MROH2B: variants seen among roughly 807,000 people sequenced by gnomAD.
MROH2B encodes the protein maestro heat-like repeat-containing protein family member 2B.
MROH2B carries 177 observed loss-of-function variants against 208.6 expected under a neutral mutation model. The observed-to-expected ratio is 0.85, with a 90% CI of 0.75 to 0.96. MROH2B has a LOEUF of 0.96. Ranked by LOEUF, MROH2B falls within the 40% of genes least tolerant of loss-of-function variation. The pLI, the probability that MROH2B is intolerant of heterozygous loss-of-function variation, is 0.00. For synonymous variants in MROH2B, 728 were observed against 659.0 expected (o/e 1.10, Z -1.60); for missense variants, 2,002 against 1,878.7 (o/e 1.07, Z -1.21).
chr5:41,010,398 C>A (rs749376613), intron 30 of MROH2B, among the ~76,000 whole-genome samples: 11 of 152,176 alleles, frequency 7.2e-5, no homozygotes, highest in Non-Finnish European at 1.5e-4. Context: ...GAATATCAAT[C>A]ATAGACCTAA....
chr5:41,010,121 T>C, intron 30 of MROH2B, 42 bp from the exon 31 acceptor site: 1 of 1,599,998 alleles, frequency 6.3e-7, no homozygotes, highest in Non-Finnish European at 8.5e-7. Flanking sequence ...GTTGCCATTT[T>C]CCCTCTATGT....
chr5:41,015,422 C>T lies in MROH2B; in HGVS notation c.2941G>A (p.Asp981Asn), dbSNP rs748181816. 1.9e-6 allele frequency: 3 copies of T among 1,613,662 alleles called. No homozygotes were observed. The highest frequency in any genetic ancestry group is 1.7e-5 in the Admixed American group (1 of 59,956). Residue 981 changes from aspartate (D) to asparagine (N), a missense_variant, in exon 29 of 42, where the codon GAC (aspartate) becomes AAC (asparagine). Asp to Asn is a conservative substitution (Grantham distance 23, BLOSUM62 1). Transcript: ENST00000399564. ...QGLQEGLESDDVQVQIKISSK... is the reference protein window; with the variant it reads ...QGLQEGLESDNVQVQIKISSK... ...GAAATCTTGATCTGAACCTGCACGTCATCACTTTCCAGCCCTTCCTGCAAA... is the reference window on the plus strand; with the variant it reads ...GAAATCTTGATCTGAACCTGCACGTTATCACTTTCCAGCCCTTCCTGCAAA...
chr5:41,059,522 C>A (rs1265594184), intron 6 of MROH2B, among the ~76,000 whole-genome samples: 2 of 152,120 alleles, frequency 1.3e-5, no homozygotes, highest in Non-Finnish European at 2.9e-5. Flanking sequence ...TACAACAAAT[C>A]ATCTCAAAAC....
chr5:41,012,851 G>A (rs1741817575), intron 29 of MROH2B, 116 bp from the exon 30 acceptor site: 3 of 1,298,396 alleles, frequency 2.3e-6, no homozygotes, highest in Non-Finnish European at 3.2e-6. Flanking sequence ...CTTTTCAACA[G>A]TTTTGATTGA....
chr5:41,022,297 T>C (rs1449343189), intron 24 of MROH2B, among the ~76,000 whole-genome samples: 1 of 152,188 alleles, frequency 6.6e-6, no homozygotes, highest in African/African-American at 2.4e-5. Flanking sequence ...TTCCCTTTCC[T>C]AGCAAAGGGA....
chr5:41,028,466 C>A (rs1742455721), intron 24 of MROH2B, among the ~76,000 whole-genome samples: 1 of 152,106 alleles, frequency 6.6e-6, no homozygotes, highest in African/African-American at 2.4e-5. Context: ...CATTTCCTAC[C>A]CACCACTGAG....
At position 41,014,610 on chromosome 5, in the gene MROH2B, A is replaced by C. The variant is rs149804853; in HGVS notation, c.2982+771T>G. Reference sequence around the variant, plus strand: ...ATAAAACAAACAAACAAACAAAAAAACCAAGTTCCTTAAAAAGGCCCAGAA... The same window carrying C: ...ATAAAACAAACAAACAAACAAAAAACCCAAGTTCCTTAAAAAGGCCCAGAA... On this transcript the variant is annotated intron_variant, in intron 29 of 41. Transcript: ENST00000399564. Among the ~76,000 whole-genome samples the C allele has an allele frequency of 5.3e-4, 80 of 152,232 alleles. 1 individual carries two copies. The East Asian group carries it at 0.011, about 22-fold the overall frequency.
At chr5:41,070,733 C>T (rs919882437) in intron 1 of MROH2B, 92 bp downstream of exon 1, 51 of 1,286,176 alleles carry the variant, frequency 4.0e-5, no homozygotes, top group African/African-American at 1.0e-4. Flanking sequence ...CCCACAATGA[C>T]GCGCCACTCC....
At chr5:41,029,198 T>C (rs1742482292) in intron 24 of MROH2B, among the ~76,000 whole-genome samples, 2 of 152,202 alleles carry the variant, frequency 1.3e-5, no homozygotes, top group Admixed American at 6.5e-5. Flanking sequence ...CAGAGCAGTT[T>C]TGATTTGTAT....
chr5:41,018,698 A>G lies in MROH2B; in HGVS notation c.2666T>C (p.Met889Thr), dbSNP rs1004183288. 1.4e-5 allele frequency: 23 copies of G among 1,613,732 alleles called. No homozygotes were observed. In the Admixed American group the frequency reaches 3.7e-4, roughly 26 times the overall value. ...DNVNAEDCQE[M>T]FNLLQMWLVS... ...AGTGGAGGCTCTACTCACATTAAAC[A>G]TTTCTTGACAGTCCTCTGCATTCAC... Residue 889 changes from methionine to threonine, a missense_variant, in exon 26 of 42, where the codon ATG (methionine) becomes ACG (threonine). Met to Thr is a moderately conservative substitution (Grantham distance 81, BLOSUM62 -1). Coordinates refer to ENST00000399564, the MANE Select transcript of MROH2B (RefSeq NM_173489.5).
At chr5:41,062,601 A>C (rs1050786597) in intron 5 of MROH2B, among the ~76,000 whole-genome samples, 61 of 152,186 alleles carry the variant, frequency 4.0e-4, no homozygotes, top group Admixed American at 2.0e-4. Context: ...TAAAATAATA[A>C]TATTATTTTC....
At chr5:41,066,986 C>A in intron 3 of MROH2B, 122 bp downstream of exon 3, 1 of 670,330 alleles carries the variant, frequency 1.5e-6, no homozygotes, top group Middle Eastern at 2.4e-4. Context: ...ATCCAAGTTA[C>A]CACAAAGAAC....
intron 5 of MROH2B, among the ~76,000 whole-genome samples, chr5:41,062,628 C>T (rs1037609540): frequency 2.0e-5 from 3 of 152,072 alleles, no homozygotes; most frequent in Non-Finnish European, 4.4e-5. Context: ...CCTTGTGTGC[C>T]ACTTATTTTG....
intron 37 of MROH2B, 53 bp from the exon 38 acceptor site, chr5:41,000,886 G>C (rs1741377907): frequency 1.9e-6 from 3 of 1,547,310 alleles, no homozygotes; most frequent in Non-Finnish European, 2.6e-6. Context: ...GCCATTCCCT[G>C]CTAGCACACT....
Position 40,998,693 on chromosome 5 carries a change from G to A in MROH2B, c.4586-16C>T. The A allele has an allele frequency of 6.4e-7, 1 of 1,565,646 alleles. No homozygotes were observed. Among genetic ancestry groups the A allele is most frequent in the Non-Finnish European group, 8.7e-7 (1 of 1,152,142 alleles). ...ACAACGGCATCTAAAGTTAATAGGA[G>A]ACCATGTTACTGATTTCATTATAGA... On this transcript the variant is annotated splice_polypyrimidine_tract_variant and intron_variant, in intron 40 of 41. Transcript: ENST00000399564.
Position 41,039,130 on chromosome 5 carries a change from T to C in MROH2B, c.2062-242A>G, listed in dbSNP as rs186051662. ...AGCTTTTGTTTATTATATATACTTA[T>C]CAGGCCCCTTTCCTTCAGGGAAAGC... On this transcript the variant is annotated intron_variant, in intron 20 of 41. Transcript: ENST00000399564. Among the ~76,000 whole-genome samples the C allele has an allele frequency of 2.0e-5, 3 of 152,144 alleles. No homozygotes were observed. In the South Asian group the frequency reaches 6.2e-4, roughly 32 times the overall value.
chr5:41,041,198 T>C lies in MROH2B; in HGVS notation c.1953+894A>G, dbSNP rs1579940612. The stretch of plus-strand genomic sequence containing the variant: ...AGTAAAGTCTAGTGGTTTCTGGCCA[T>C]TTAATGTGTGAGAAAGAACCCTAAA... On this transcript the variant is annotated intron_variant, in intron 19 of 41. Transcript: ENST00000399564. 2.0e-5 allele frequency among the ~76,000 whole-genome samples: 3 copies of C among 152,206 alleles called. No homozygotes were observed. In the East Asian group the frequency reaches 5.8e-4, roughly 29 times the overall value.
intron 24 of MROH2B, among the ~76,000 whole-genome samples, chr5:41,031,940 T>G (rs756479512): frequency 7.9e-5 from 12 of 152,176 alleles, no homozygotes. Context: ...TATTCTATAG[T>G]GTAATGTATC....
intron 2 of MROH2B, among the ~76,000 whole-genome samples, chr5:41,068,690 T>A (rs1357817349): frequency 1.3e-5 from 2 of 150,306 alleles, no homozygotes; most frequent in African/African-American, 2.5e-5. Flanking sequence ...AAATTCTCCT[T>A]CAATGTTTCT....
Sources: allele counts gnomAD v4.1 joint callset (sites outside exome capture counted in the v4.1 genomes callset), GRCh38; gene constraint gnomAD v4.1.1; transcripts MANE v1.5; gene names NCBI Gene and HGNC (gene_info 2026-07-23, HGNC 2026-07-21).